Variants in HOXD8 observed in about 807,000 individuals in gnomAD.
HOXD8 encodes homeobox protein Hox-D8.
Under a neutral mutation model 25.4 loss-of-function variants are expected in HOXD8, and 17 were observed. That is an observed-to-expected ratio of 0.67 (90% confidence interval 0.46 to 1.00). HOXD8 has a LOEUF of 1.00. Among genes scored for constraint, HOXD8 ranks in the 50% least tolerant of loss-of-function variants. The probability of loss-of-function intolerance (pLI) is 0.00; values close to 1 mark genes in which losing one functional copy is unlikely to be tolerated. For missense variants in HOXD8, 511 were observed against 398.5 expected, an observed-to-expected ratio of 1.28 and a Z score of -2.40; for synonymous variants, 203 against 175.3, an observed-to-expected ratio of 1.16 and a Z score of -1.25.
In HOXD8 at chr2:176,129,729, C is replaced by G. The variant is rs568390529; in HGVS notation, c.-638C>G. 4 of 367,420 alleles carry G rather than the reference C, an allele frequency of 1.1e-5. No homozygotes were observed. The highest frequency in any genetic ancestry group is 6.5e-5 in the African/African-American group (3 of 46,348). 22.8% of individuals were successfully genotyped at this position (367,420 alleles called of 1,614,324 possible). On this transcript the variant is annotated 5_prime_UTR_variant, in exon 1 of 2. Coordinates refer to ENST00000313173, the MANE Select transcript of HOXD8 (RefSeq NM_019558.4). ...CCTCCGCGGGGCTCCTCGTCCCCGT[C>G]ACGCTGACTTTCCGTGCAGTGCTGT...
chr2:176,131,244 C>T (rs1290582905), intron 1 of HOXD8, 73 bp from the exon 2 acceptor site: 1 of 1,443,818 alleles, frequency 6.9e-7, no homozygotes, highest in Non-Finnish European at 9.4e-7. Context: ...CCACAAACCT[C>T]CAGCAACATG....
In HOXD8 at chr2:176,130,728, C is replaced by T. The variant is rs1690082951; in HGVS notation, c.362C>T (p.Pro121Leu). 3 of 1,608,186 alleles carry T rather than the reference C, an allele frequency of 1.9e-6. No homozygotes were observed. Among genetic ancestry groups the T allele is most frequent in the Non-Finnish European group, 2.5e-6 (3 of 1,176,768 alleles). The change falls in exon 1 of 2, where the codon CCT becomes CTT. Residue 121 changes from proline (P) to leucine (L), a missense_variant. Transcript: ENST00000313173. ...CCGCATCCTCCGCCTCCGCCGCCAC[C>T]TCCCCCCTGCGGCGGGATTGCCTGT... is the stretch of plus-strand genomic sequence containing the variant. ...PPPHPPPPPP[P>L]PPCGGIACHG...
rs2105404662 is a variant in HOXD8 at position 176,130,259 on chromosome 2, G to C, written c.-108G>C. The C allele has an allele frequency of 1.7e-6, 1 of 597,490 alleles. No individual in the cohort carries two copies. Among genetic ancestry groups the C allele is most frequent in the Non-Finnish European group, 2.4e-6 (1 of 418,252 alleles). The allele number at this position is 597,490 out of a possible 1,614,324, so 37.0% of individuals were successfully genotyped here. ...GACGTAGCCCGGCGGTCCCGGCGGC[G>C]AGAGCAGCCGCCCCACAGGCCCCCG... On this transcript the variant is annotated 5_prime_UTR_variant, in exon 1 of 2. Transcript: ENST00000313173.
chr2:176,131,074 A>G (rs2105406426), intron 1 of HOXD8, 131 bp downstream of exon 1: 1 of 706,992 alleles, frequency 1.4e-6, no homozygotes, highest in South Asian at 2.0e-5. Flanking sequence ...GCTCTTATTC[A>G]TAAAGTAATA....
At position 176,132,588 on chromosome 2, in the gene HOXD8, G is replaced by A. The variant is rs1690136577; in HGVS notation, c.*976G>A. 6.6e-6 allele frequency: 1 copy of A among 152,186 alleles called. No homozygotes were observed. Among genetic ancestry groups the A allele is most frequent in the African/African-American group, 2.4e-5 (1 of 41,432 alleles). The allele number at this position is 152,186 out of a possible 1,614,324, so 9.4% of individuals were successfully genotyped here. On this transcript the variant is annotated 3_prime_UTR_variant, in exon 2 of 2. Transcript: ENST00000313173. ...TCCGCTGTTCTTCAGGAAAGCGATAGCCTCACCTATTTGAAACAAGCCCTG... is the reference window on the plus strand; with the variant it reads ...TCCGCTGTTCTTCAGGAAAGCGATAACCTCACCTATTTGAAACAAGCCCTG...
chr2:176,132,169 T>G lies in HOXD8; in HGVS notation c.*557T>G, dbSNP rs1690129452. The G allele has an allele frequency of 6.6e-6, 1 of 152,268 alleles. No individual in the cohort carries two copies. The highest frequency in any genetic ancestry group is 1.5e-5 in the Non-Finnish European group (1 of 68,068). 9.4% of individuals were successfully genotyped at this position (152,268 alleles called of 1,614,324 possible). ...CTTTGCGTATTTTCTAAATGTAATA[T>G]CTCGGGGAAAATATTAGAAAAGCAC... On this transcript the variant is annotated 3_prime_UTR_variant, in exon 2 of 2. Coordinates refer to ENST00000313173, the MANE Select transcript of HOXD8 (RefSeq NM_019558.4).
chr2:176,131,022 G>T, intron 1 of HOXD8, 79 bp downstream of exon 1: 1 of 949,998 alleles, frequency 1.1e-6, no homozygotes, highest in Non-Finnish European at 1.6e-6. Context: ...TAAAACTCCC[G>T]TTCCCTCTCC....
At position 176,131,381 on chromosome 2, in the gene HOXD8, G is replaced by T; in HGVS notation, c.642G>T (p.Lys214Asn). The change falls in exon 2 of 2, where the codon AAG becomes AAT. Residue 214 changes from lysine to asparagine, a missense_variant. Transcript: ENST00000313173. ...YSRFQTLELE[K>N]EFLFNPYLTR... The stretch of plus-strand genomic sequence containing the variant: ...GCTTCCAAACTCTAGAGTTGGAAAA[G>T]GAATTTCTTTTTAACCCCTATCTGA... 1 of 1,598,504 alleles carries T rather than the reference G, an allele frequency of 6.3e-7. No homozygotes were observed. The highest frequency in any genetic ancestry group is 8.5e-7 in the Non-Finnish European group (1 of 1,172,312).
At chr2:176,131,191 A>T in intron 1 of HOXD8, 126 bp from the exon 2 acceptor site, 1 of 768,376 alleles carries the variant, frequency 1.3e-6, no homozygotes, top group Non-Finnish European at 2.1e-6. Context: ...TATATATCGG[A>T]GCTAAAGAGC....
In HOXD8 at chr2:176,130,439, G is replaced by T; in HGVS notation, c.73G>T (p.Glu25Ter). 2 of 1,491,292 alleles carry T rather than the reference G, an allele frequency of 1.3e-6. No individual in the cohort carries two copies. The highest frequency in any genetic ancestry group is 1.8e-6 in the Non-Finnish European group (2 of 1,127,410). The allele number at this position is 1,491,292 out of a possible 1,614,324, so 92.4% of individuals were successfully genotyped here. ...AAAAAAAAAG[E>*]AINPTYYDCH... ...GGCTGCGGCGGCGGCGGCGGCGGGC[G>T]AGGCCATCAATCCCACTTACTACGA... Residue 25 changes from glutamate to a stop codon, truncating the protein, a stop_gained, in exon 1 of 2, where the codon GAG (glutamate) becomes TAG (stop). Coordinates refer to ENST00000313173, the MANE Select transcript of HOXD8 (RefSeq NM_019558.4). LOFTEE classifies it high-confidence loss of function.
rs761537969 is a variant in HOXD8, at chr2:176,131,440, T to C, written c.701T>C (p.Leu234Pro). The C allele has an allele frequency of 2.5e-6, 4 of 1,612,278 alleles. No homozygotes were observed. The African/African-American group carries it at 5.4e-5, about 22-fold the overall frequency. ...RKRRIEVSHA[L>P]ALTERQVKIW... ...AGAAGAATCGAGGTTTCCCACGCCCTAGCCCTCACCGAGAGACAGGTAAAA... is the reference window on the plus strand; with the variant it reads ...AGAAGAATCGAGGTTTCCCACGCCCCAGCCCTCACCGAGAGACAGGTAAAA... The change falls in exon 2 of 2, where the codon CTA (leucine) becomes CCA (proline). Residue 234 changes from leucine (L) to proline (P), a missense_variant. Transcript: ENST00000313173.
rs377728786 is a variant in HOXD8, at chr2:176,130,858, G to A, written c.492G>A (p.Ser164=). The A allele has an allele frequency of 1.9e-6, 3 of 1,612,298 alleles. No individual in the cohort carries two copies. The highest frequency in any genetic ancestry group is 2.2e-5 in the South Asian group (2 of 90,838). The part of the protein sequence containing the change: ...AELVQYPDCK[S]SSGNIGEDPD... Reference sequence around the variant, plus strand: ...TGGTACAATATCCTGACTGTAAATCGTCCAGTGGTAATATTGGCGAGGACC... The same window carrying A: ...TGGTACAATATCCTGACTGTAAATCATCCAGTGGTAATATTGGCGAGGACC... The change falls in exon 1 of 2, where the codon TCG becomes TCA. Residue 164 remains serine (S), a synonymous_variant. Transcript: ENST00000313173.
At position 176,130,624 on chromosome 2, in the gene HOXD8, G is replaced by A; in HGVS notation, c.258G>A (p.Arg86=). ...CCTCCGGGACTGGGTGCGGCGGTAG[G>A]GAAGGCCGGGGCCAGGAGTACTTCC... ...PPPSGTGCGG[R]EGRGQEYFHP... Residue 86 remains arginine, a synonymous_variant, in exon 1 of 2, where the codon AGG becomes AGA. Transcript: ENST00000313173. 6.6e-7 allele frequency: 1 copy of A among 1,513,566 alleles called. No individual in the cohort carries two copies. Among genetic ancestry groups the A allele is most frequent in the Non-Finnish European group, 8.8e-7 (1 of 1,142,586 alleles). 93.8% of individuals were successfully genotyped at this position (1,513,566 alleles called of 1,614,324 possible). A position where few individuals can be genotyped will look rare whatever the true frequency, so the allele number is the denominator to read the frequency against.
In HOXD8 at chr2:176,130,596, C is replaced by A; in HGVS notation, c.230C>A (p.Pro77Gln). 4.1e-6 allele frequency: 6 copies of A among 1,469,640 alleles called. No individual in the cohort carries two copies. In the South Asian group the frequency reaches 6.9e-5, roughly 17 times the overall value. The allele number at this position is 1,469,640 out of a possible 1,614,324, so 91.0% of individuals were successfully genotyped here. A position where few individuals can be genotyped will look rare whatever the true frequency, so the allele number is the denominator to read the frequency against. ...QAHAHPHPSP[P>Q]PSGTGCGGRE... ...CACGCGCACCCGCACCCGTCCCCGCCGCCCTCCGGGACTGGGTGCGGCGGT... is the reference window on the plus strand; with the variant it reads ...CACGCGCACCCGCACCCGTCCCCGCAGCCCTCCGGGACTGGGTGCGGCGGT... The change falls in exon 1 of 2, where the codon CCG becomes CAG. Residue 77 changes from proline to glutamine, a missense_variant. Transcript: ENST00000313173.
chr2:176,131,577 C>G lies in HOXD8; in HGVS notation c.838C>G (p.Leu280Val), dbSNP rs1471275237. Residue 280 changes from leucine to valine, a missense_variant, in exon 2 of 2, where the codon CTG becomes GTG. Coordinates refer to ENST00000313173, the MANE Select transcript of HOXD8 (RefSeq NM_019558.4). ...GGAAACGAAAAAGGAAGCCCAAGAG[C>G]TGGAGGAAGACAGAGCCGAAGGCCT... ...DGETKKEAQE[L>V]EEDRAEGLTN is the part of the protein sequence containing the mutation. 6.2e-7 allele frequency: 1 copy of G among 1,608,448 alleles called. No individual in the cohort carries two copies. The highest frequency in any genetic ancestry group is 2.2e-5 in the East Asian group (1 of 44,840).
Position 176,130,710 on chromosome 2 carries a change from C to A in HOXD8, c.344C>A (p.Pro115His). ...YQAAPPPPPH[P>H]PPPPPPPPCG... is the part of the protein sequence containing the mutation. ...GCCGCCCCCCCTCCTCCTCCGCATC[C>A]TCCGCCTCCGCCGCCACCTCCCCCC... is the stretch of plus-strand genomic sequence containing the variant. The change falls in exon 1 of 2, where the codon CCT (proline) becomes CAT (histidine). Residue 115 changes from proline to histidine, a missense_variant. Pro to His is a moderately conservative substitution (Grantham distance 77). Transcript: ENST00000313173. 6.2e-7 allele frequency: 1 copy of A among 1,603,766 alleles called. No individual in the cohort carries two copies. The highest frequency in any genetic ancestry group is 8.5e-7 in the Non-Finnish European group (1 of 1,174,484).
At position 176,130,673 on chromosome 2, in the gene HOXD8, G is replaced by C; in HGVS notation, c.307G>C (p.Ala103Pro). 1 of 1,556,046 alleles carries C rather than the reference G, an allele frequency of 6.4e-7. No individual in the cohort carries two copies. The change falls in exon 1 of 2, where the codon GCT becomes CCT. Residue 103 changes from alanine to proline, a missense_variant. Transcript: ENST00000313173. ...CCACCCCGGCGGGGGCAGCCCGGCC[G>C]CTGCCTACCAGGCCGCCCCCCCTCC... ...YFHPGGGSPA[A>P]AYQAAPPPPP...
rs766523128 is a variant in HOXD8 at position 176,130,690 on chromosome 2, C to G, written c.324C>G (p.Ala108=). The G allele has an allele frequency of 1.3e-6, 2 of 1,584,474 alleles. No individual in the cohort carries two copies. The highest frequency in any genetic ancestry group is 2.7e-5 in the African/African-American group (2 of 73,738). ...GCCCGGCCGCTGCCTACCAGGCCGC[C>G]CCCCCTCCTCCTCCGCATCCTCCGC... is the stretch of plus-strand genomic sequence containing the variant. ...GGSPAAAYQA[A]PPPPPHPPPP... The change falls in exon 1 of 2, where the codon GCC becomes GCG. Residue 108 remains alanine, a synonymous_variant. Transcript: ENST00000313173.
chr2:176,130,902 G>A lies in HOXD8; in HGVS notation c.536G>A (p.Ser179Asn), dbSNP rs1238996384. ...IGEDPDHLNQ[S>N]SSPSQMFPWM... is the part of the protein sequence containing the mutation. ...GAGGACCCAGACCACTTAAATCAGAGCTCGTCTCCTTCTCAAATGTTTCCG... is the reference window on the plus strand; with the variant it reads ...GAGGACCCAGACCACTTAAATCAGAACTCGTCTCCTTCTCAAATGTTTCCG... The change falls in exon 1 of 2, where the codon AGC becomes AAC. Residue 179 changes from serine (S) to asparagine (N), a missense_variant. Transcript: ENST00000313173. 6.2e-7 allele frequency: 1 copy of A among 1,604,628 alleles called. No homozygotes were observed.
Sources: gnomAD v4.1 joint callset for allele counts on GRCh38, gnomAD v4.1.1 for gene constraint, MANE v1.5 for transcripts, NCBI Gene and HGNC (gene_info 2026-07-23, HGNC 2026-07-21) for gene names.